The following EPB41L5 variants were observed in gnomAD, a reference collection of about 807,000 sequenced individuals.
EPB41L5 encodes erythrocyte membrane protein band 4.1 like 5.
A neutral mutation model predicts 106.6 loss-of-function variants in EPB41L5; 55 were observed. The ratio of observed to expected loss-of-function variants is 0.52; its 90% confidence interval spans 0.42 to 0.65. The LOEUF (loss-of-function observed/expected upper bound fraction) is 0.65. Ranked by LOEUF, EPB41L5 falls within the 30% of genes least tolerant of loss-of-function variation. The pLI is 0.00. For synonymous variants in EPB41L5, 297 were observed against 306.7 expected, an observed-to-expected ratio of 0.97 and a Z score of 0.33; for missense variants, 871 against 882.1, an observed-to-expected ratio of 0.99 and a Z score of 0.16.
chr2:120,092,044 A>ATTTATTTATTTG lies in EPB41L5; in HGVS notation c.1150+386_1150+387insATTTATTTGTTT, dbSNP rs1191467199. ...TATTTATTTATTTATTTATTTATTT[A>ATTTATTTATTTG]TTTTGAGATAGTCTCACTCTGTTGC... On this transcript the variant is annotated intron_variant, in intron 13 of 24. Transcript: ENST00000263713. 6.3e-4 allele frequency among the ~76,000 whole-genome samples: 64 copies of ATTTATTTATTTG among 102,008 alleles called. 1 individual carries two copies. The highest frequency in any genetic ancestry group is 2.1e-3 in the African/African-American group (62 of 28,976). 66.9% of individuals were successfully genotyped at this position (102,008 alleles called of 152,430 possible).
chr2:120,160,954 G>T lies in EPB41L5; in HGVS notation c.1867G>T (p.Asp623Tyr). The T allele has an allele frequency of 6.2e-7, 1 of 1,613,726 alleles. No homozygotes were observed. Among genetic ancestry groups the T allele is most frequent in the South Asian group, 1.1e-5 (1 of 91,048 alleles). The change falls in exon 21 of 25, where the codon GAC becomes TAC. Residue 623 changes from aspartate to tyrosine, a missense_variant. Coordinates refer to ENST00000263713, the MANE Select transcript of EPB41L5 (RefSeq NM_020909.4). ...LETLMLITPADSGSVLKEATD... is the reference protein window; with the variant it reads ...LETLMLITPAYSGSVLKEATD... ...GACTCTGATGCTTATCACACCTGCC[G>T]ACAGTGGTTCTGTTCTAAAGGTAAG...
chr2:120,046,467 GTCTGT>G (rs1287414136), intron 3 of EPB41L5, among the ~76,000 whole-genome samples: 2 of 150,598 alleles, frequency 1.3e-5, no homozygotes, highest in Admixed American at 1.3e-4. Context: ...TTTGAGAAGT[GTCTGT>G]TCATACCTTT....
intron 2 of EPB41L5, among the ~76,000 whole-genome samples, chr2:120,023,025 GTTGT>G (rs1678044076): frequency 2.6e-5 from 4 of 152,196 alleles, no homozygotes; most frequent in South Asian, 2.1e-4. Flanking sequence ...TTTTGATGGG[GTTGT>G]TTGTTTTTTT....
intron 2 of EPB41L5, among the ~76,000 whole-genome samples, chr2:120,029,256 C>T (rs13405455): frequency 0.01 from 1,576 of 152,246 alleles, 23 homozygotes; most frequent in African/African-American, 0.036. Flanking sequence ...CATCTGCCTC[C>T]CCAGTTCAAG....
intron 3 of EPB41L5, among the ~76,000 whole-genome samples, chr2:120,067,105 T>C (rs1681495533): frequency 6.6e-6 from 1 of 152,232 alleles, no homozygotes; most frequent in Admixed American, 6.5e-5. Context: ...TAAAAGTAGA[T>C]GTCCAACTGA....
At chr2:120,084,480 C>T (rs570540623) in intron 10 of EPB41L5, among the ~76,000 whole-genome samples, 15 of 152,342 alleles carry the variant, frequency 9.8e-5, no homozygotes, top group Admixed American at 7.8e-4. Context: ...TGTAGAGTTT[C>T]TGCCGAGAGA....
rs1461425758 is a variant in EPB41L5, at chr2:120,093,290, T to C, written c.1178+14T>C. The C allele has an allele frequency of 1.2e-6, 2 of 1,610,952 alleles. No homozygotes were observed. Among genetic ancestry groups the C allele is most frequent in the Admixed American group, 1.7e-5 (1 of 60,018 alleles). On this transcript the variant is annotated intron_variant, in intron 14 of 24. Transcript: ENST00000263713. ...TGAAGAACTTAGGTAAGTAATGTTT[T>C]GCAACTTAGGAATTGGTATAGAATT... is the stretch of plus-strand genomic sequence containing the variant.
At chr2:120,147,047 C>A (rs887182856) in intron 20 of EPB41L5, among the ~76,000 whole-genome samples, 1 of 152,120 alleles carries the variant, frequency 6.6e-6, no homozygotes, top group Non-Finnish European at 1.5e-5. Context: ...TACAACTTGA[C>A]CTTGTAACTA....
chr2:120,084,518 T>C (rs1682921510), intron 10 of EPB41L5, among the ~76,000 whole-genome samples: 1 of 152,202 alleles, frequency 6.6e-6, no homozygotes, highest in Admixed American at 6.5e-5. Flanking sequence ...GGGCTTCCCT[T>C]TGTGGGTAAC....
At chr2:120,019,426 C>T (rs939188940) in intron 2 of EPB41L5, among the ~76,000 whole-genome samples, 162 bp downstream of exon 2, 2 of 152,108 alleles carry the variant, frequency 1.3e-5, no homozygotes, top group African/African-American at 2.4e-5. Flanking sequence ...ATCAGATAAC[C>T]GTAGACCAAA....
chr2:120,087,319 T>C (rs1683125175), intron 11 of EPB41L5, 79 bp downstream of exon 11: 5 of 822,562 alleles, frequency 6.1e-6, no homozygotes, highest in South Asian at 3.4e-5. Context: ...AAAGAGGGAA[T>C]GTACCTCATT....
rs148206069 is a variant in EPB41L5 at position 120,135,124 on chromosome 2, A to T, written c.1599+3409A>T. ...AAAGAGATTGAAATAATTTTTAAAA[A>T]TTAGCAGGAATCCTAGAGCTGAAAA... On this transcript the variant is annotated intron_variant, in intron 18 of 24. Transcript: ENST00000263713. Among the ~76,000 whole-genome samples, 184 of 152,298 alleles carry T rather than the reference A, an allele frequency of 1.2e-3. 1 individual carries two copies. In the East Asian group the frequency reaches 0.026, roughly 21 times the overall value.
rs1324809557 is a variant in EPB41L5 at position 120,177,944 on chromosome 2, AT to A, written c.*3040del. ...CTCTTAGCTAAGCCCCAAAATGAAG[AT>A]TTCCTTCAGAAGTCTTGTTAGCAGA... On this transcript the variant is annotated 3_prime_UTR_variant, in exon 25 of 25. Coordinates refer to ENST00000263713, the MANE Select transcript of EPB41L5 (RefSeq NM_020909.4). 1 of 152,292 alleles carries A rather than the reference AT, an allele frequency of 6.6e-6. No homozygotes were observed. The highest frequency in any genetic ancestry group is 2.4e-5 in the African/African-American group (1 of 41,460). 9.4% of individuals were successfully genotyped at this position (152,292 alleles called of 1,614,324 possible). A position where few individuals can be genotyped will look rare whatever the true frequency, so the allele number is the denominator to read the frequency against.
chr2:120,076,236 T>A (rs985793416), intron 7 of EPB41L5, among the ~76,000 whole-genome samples: 3 of 152,160 alleles, frequency 2.0e-5, no homozygotes, highest in Non-Finnish European at 2.9e-5. Context: ...ATTAATAATT[T>A]TAAAATTTTG....
chr2:120,100,431 T>A, intron 15 of EPB41L5, 145 bp downstream of exon 15: 1 of 795,286 alleles, frequency 1.3e-6, no homozygotes, highest in Non-Finnish European at 2.0e-6. Context: ...AGTGGTTCAG[T>A]AATAACTTCC....
chr2:120,092,921 C>T (rs1683509192), intron 13 of EPB41L5, among the ~76,000 whole-genome samples: 2 of 152,150 alleles, frequency 1.3e-5, no homozygotes, highest in South Asian at 4.1e-4. Context: ...AATCCCAAAA[C>T]ACTTTGGTGA....
intron 21 of EPB41L5, 68 bp downstream of exon 21, chr2:120,161,042 C>A: frequency 3.6e-6 from 4 of 1,105,288 alleles, no homozygotes; most frequent in Non-Finnish European, 5.5e-6. Flanking sequence ...GCAGTATAAC[C>A]AAGGGCATCT....
chr2:120,051,381 C>A (rs1344265696), intron 3 of EPB41L5, among the ~76,000 whole-genome samples: 1 of 152,186 alleles, frequency 6.6e-6, no homozygotes, highest in Non-Finnish European at 1.5e-5. Context: ...AGCCTCGCTG[C>A]CACCTTGCAG....
intron 20 of EPB41L5, among the ~76,000 whole-genome samples, chr2:120,155,984 T>C (rs570293512): frequency 1.1e-4 from 16 of 152,124 alleles, no homozygotes; most frequent in Non-Finnish European, 2.2e-4. Flanking sequence ...CCACGGACAC[T>C]CGAGTTGCAG....
Sources: gnomAD v4.1 joint callset for allele counts (sites outside exome capture counted in the v4.1 genomes callset) on GRCh38, gnomAD v4.1.1 for gene constraint, MANE v1.5 for transcripts, NCBI Gene and HGNC (gene_info 2026-07-23, HGNC 2026-07-21) for gene names.